The following ZNF280C variants were observed in gnomAD, a reference collection of about 807,000 sequenced individuals.
The protein encoded by ZNF280C is zinc finger protein 280C.
Under a neutral mutation model 53.6 loss-of-function variants are expected in ZNF280C, and 14 were observed. The ratio of observed to expected loss-of-function variants is 0.26; its 90% CI spans 0.17 to 0.41. The LOEUF (loss-of-function observed/expected upper bound fraction) is 0.41. Ranked by LOEUF, ZNF280C falls within the 10% of genes least tolerant of loss-of-function variation. The pLI, the probability that ZNF280C is intolerant of heterozygous loss-of-function variation, is 1.00. For synonymous variants in ZNF280C, 203 were observed against 181.1 expected (o/e 1.12, Z -0.97); for missense variants, 416 against 547.1 (o/e 0.76, Z 2.39).
intron 16 of ZNF280C, among the ~76,000 whole-genome samples, chrX:130,206,903 T>A (rs906420390): frequency 8.9e-6 from 1 of 112,403 alleles, no homozygotes; most frequent in African/African-American, 3.2e-5. Flanking sequence ...ATTTATCGAG[T>A]ACTTACTCTA....
intron 6 of ZNF280C, among the ~76,000 whole-genome samples, 163 bp downstream of exon 6, chrX:130,239,419 A>G (rs532458502): frequency 1.8e-5 from 2 of 111,797 alleles, no homozygotes; most frequent in East Asian, 2.8e-4. Context: ...ACAATTTTCT[A>G]TATCACCCAA....
chrX:130,247,190 C>T (rs186007430), intron 2 of ZNF280C, among the ~76,000 whole-genome samples, 185 bp from the exon 3 acceptor site: 1 of 112,152 alleles, frequency 8.9e-6, no homozygotes, highest in Admixed American at 9.5e-5. Context: ...CTCACTGCAA[C>T]CTCCGCCTCC....
At chrX:130,220,724 G>A (rs1219487997) in intron 12 of ZNF280C, among the ~76,000 whole-genome samples, 1 of 111,081 alleles carries the variant, frequency 9.0e-6, no homozygotes, top group Non-Finnish European at 1.9e-5. Flanking sequence ...AATTGGAAAA[G>A]TTCTATACTG....
chrX:130,220,842 G>T (rs2032155419), intron 12 of ZNF280C, among the ~76,000 whole-genome samples: 3 of 111,059 alleles, frequency 2.7e-5, no homozygotes, highest in African/African-American at 9.8e-5. Flanking sequence ...TGGGAAATGG[G>T]ACCCAAGAGA....
chrX:130,251,044 G>T (rs2032501819), intron 2 of ZNF280C, among the ~76,000 whole-genome samples: 1 of 108,879 alleles, frequency 9.2e-6, no homozygotes, highest in South Asian at 4.0e-4. Flanking sequence ...TTGCAATAAG[G>T]TGAGATCACA....
At chrX:130,255,880 A>T (rs2124715168) in intron 2 of ZNF280C, among the ~76,000 whole-genome samples, 1 of 112,111 alleles carries the variant, frequency 8.9e-6, no homozygotes, top group Admixed American at 9.4e-5. Context: ...GCCTCAACCC[A>T]GGAGCCGGTG....
Position 130,243,638 on chromosome X carries a change from C to T in ZNF280C, c.306G>A (p.Val102=). ...CAAGATGAAATCTAGGCGAGGCAGC[C>T]ACTGGATTTGATGGTGGGTCTCTGC... is the stretch of plus-strand genomic sequence containing the variant. ...QRCRDPPSNP[V]AASPRFHLVS... is the part of the protein sequence containing the mutation. The change falls in exon 5 of 19, where the codon GTG becomes GTA. Residue 102 remains valine, a synonymous_variant. Coordinates refer to ENST00000370978, the MANE Select transcript of ZNF280C (RefSeq NM_017666.5). 1 of 1,210,629 alleles carries T rather than the reference C, an allele frequency of 8.3e-7. No individual in the cohort carries two copies. The highest frequency in any genetic ancestry group is 3.0e-5 in the East Asian group (1 of 33,839).
chrX:130,238,673 CCT>C (rs1428629291), intron 6 of ZNF280C, among the ~76,000 whole-genome samples: 2 of 110,794 alleles, frequency 1.8e-5, no homozygotes, highest in Non-Finnish European at 3.8e-5. Flanking sequence ...GTTTTATCTC[CCT>C]GTTTGTTTCG....
chrX:130,241,138 A>G (rs2032385949), intron 5 of ZNF280C, among the ~76,000 whole-genome samples: 1 of 111,870 alleles, frequency 8.9e-6, no homozygotes, highest in Admixed American at 9.6e-5. Flanking sequence ...TATATCTTTA[A>G]AAGAGATAAT....
intron 10 of ZNF280C, 74 bp from the exon 11 acceptor site, chrX:130,227,856 CAAGT>C: frequency 1.8e-6 from 1 of 545,859 alleles, no homozygotes; most frequent in East Asian, 3.5e-5. Context: ...ACATCCACAA[CAAGT>C]AATAATAATA....
chrX:130,231,987 A>C (rs1486042726), intron 8 of ZNF280C, among the ~76,000 whole-genome samples: 2 of 106,278 alleles, frequency 1.9e-5, no homozygotes, highest in Non-Finnish European at 3.9e-5. Context: ...AGGTCGCGCC[A>C]CTGCACTCCA....
chrX:130,211,978 T>C (rs1057007040), intron 15 of ZNF280C, among the ~76,000 whole-genome samples: 2 of 111,384 alleles, frequency 1.8e-5, no homozygotes, highest in African/African-American at 6.5e-5. Context: ...ATCACAGCAG[T>C]GTACTGGGGG....
intron 13 of ZNF280C, among the ~76,000 whole-genome samples, chrX:130,216,852 T>C (rs1212491844): frequency 9.1e-6 from 1 of 110,341 alleles, no homozygotes; most frequent in Non-Finnish European, 1.9e-5. Context: ...TACAAAAAAT[T>C]AGCCAGGCAT....
chrX:130,248,154 C>T (rs1375201288), intron 2 of ZNF280C, among the ~76,000 whole-genome samples: 1 of 97,296 alleles, frequency 1.0e-5, no homozygotes, highest in African/African-American at 3.8e-5. Context: ...CAGCTGCCAC[C>T]GAGGGACTGG....
chrX:130,215,123 A>T lies in ZNF280C; in HGVS notation c.1979+70T>A, dbSNP rs1028210283. ...ATGAGACAAACTTGCTTTCAATAGG[A>T]TAACTCTGTTTTCAAAAAACAAATG... On this transcript the variant is annotated intron_variant, in intron 15 of 18. Coordinates refer to ENST00000370978, the MANE Select transcript of ZNF280C (RefSeq NM_017666.5). The T allele has an allele frequency of 5.3e-6, 6 of 1,140,842 alleles. No homozygotes were observed. The South Asian group carries it at 9.4e-5, about 18-fold the overall frequency. The allele number at this position is 1,140,842 out of a possible 1,213,427, so 94.0% of individuals were successfully genotyped here.
intron 2 of ZNF280C, among the ~76,000 whole-genome samples, chrX:130,258,536 A>G (rs1162214942): frequency 8.9e-6 from 1 of 112,413 alleles, no homozygotes; most frequent in East Asian, 2.8e-4. Flanking sequence ...TACCAAACAA[A>G]GAAACCCCCA....
At chrX:130,257,399 T>A (rs755210726) in intron 2 of ZNF280C, among the ~76,000 whole-genome samples, 1 of 111,269 alleles carries the variant, frequency 9.0e-6, no homozygotes. Context: ...TCACTGAATA[T>A]GATTTACTGA....
chrX:130,241,161 T>G (rs924275012), intron 5 of ZNF280C, among the ~76,000 whole-genome samples: 2 of 111,565 alleles, frequency 1.8e-5, no homozygotes, highest in Non-Finnish European at 3.8e-5. Flanking sequence ...TAATACTCAC[T>G]TTAAAAGAGA....
At chrX:130,237,860 A>C (rs1386020740) in intron 6 of ZNF280C, among the ~76,000 whole-genome samples, 2 of 111,762 alleles carry the variant, frequency 1.8e-5, no homozygotes, top group Non-Finnish European at 3.8e-5. Context: ...AGGTTACTTT[A>C]ACAACCAATG....
Sources: allele counts gnomAD v4.1 joint callset (sites outside exome capture counted in the v4.1 genomes callset), GRCh38; gene constraint gnomAD v4.1.1; transcripts MANE v1.5; gene names NCBI Gene and HGNC (gene_info 2026-07-23, HGNC 2026-07-21).